ARAP2: variants seen among roughly 807,000 people sequenced by gnomAD.
ARAP2 encodes the protein arf-GAP with Rho-GAP domain, ANK repeat and PH domain-containing protein 2.
In ARAP2, 148 loss-of-function variants were observed where a neutral mutation model predicts 194.5. The ratio of observed to expected loss-of-function variants is 0.76; its 90% CI spans 0.67 to 0.87. ARAP2 has a LOEUF of 0.87. Among genes scored for constraint, ARAP2 ranks in the 40% least tolerant of loss-of-function variants. The pLI, the probability that ARAP2 is intolerant of heterozygous loss-of-function variation, is 0.00. For synonymous variants in ARAP2, 695 were observed against 683.5 expected, an observed-to-expected ratio of 1.02 and a Z score of -0.26; for missense variants, 2,128 against 1,989.7, an observed-to-expected ratio of 1.07 and a Z score of -1.32.
At chr4:36,174,888 A>G (rs1737507670) in intron 9 of ARAP2, among the ~76,000 whole-genome samples, 1 of 152,050 alleles carries the variant, frequency 6.6e-6, no homozygotes, top group South Asian at 2.1e-4. Flanking sequence ...ACTCTTCAAC[A>G]TTTGCTGTAA....
chr4:36,177,814 T>C lies in ARAP2; in HGVS notation c.1857+13A>G, dbSNP rs142436954. 1,784 of 1,583,648 alleles carry C rather than the reference T, an allele frequency of 1.1e-3. 27 individuals are homozygous for C. In the African/African-American group the frequency reaches 0.021, roughly 18 times the overall value. The stretch of plus-strand genomic sequence containing the variant: ...AAATAGCAGCAATTTGCAATGACTA[T>C]AACAGAGCTCACCTGTTCGTTTTTG... On this transcript the variant is annotated intron_variant, in intron 9 of 32. Transcript: ENST00000303965.
intron 1 of ARAP2, among the ~76,000 whole-genome samples, chr4:36,230,245 T>C (rs1427271660): frequency 6.6e-6 from 1 of 152,228 alleles, no homozygotes; most frequent in Non-Finnish European, 1.5e-5. Flanking sequence ...TGTTAAACAA[T>C]ATTCCCACAA....
chr4:36,151,654 A>G (rs2109728742), intron 15 of ARAP2, among the ~76,000 whole-genome samples: 1 of 152,342 alleles, frequency 6.6e-6, no homozygotes, highest in Admixed American at 6.5e-5. Context: ...TGGTTACTTT[A>G]GGGCATTATT....
At chr4:36,009,430 T>A (rs1342805583) in intron 9 of ARAP2, among the ~76,000 whole-genome samples, 1 of 152,078 alleles carries the variant, frequency 6.6e-6, no homozygotes, top group Non-Finnish European at 1.5e-5. Flanking sequence ...AACCAAATCA[T>A]GCTTGTTATT....
intron 12 of ARAP2, 59 bp downstream of exon 12, chr4:36,161,406 T>C (rs1733914441): frequency 7.0e-7 from 1 of 1,420,910 alleles, no homozygotes; most frequent in Non-Finnish European, 9.9e-7. Flanking sequence ...GCAAACCTCC[T>C]CCCAGTCTCT....
Position 36,193,586 on chromosome 4 carries a change from T to C in ARAP2, c.1549A>G (p.Asn517Asp). 1 of 1,589,202 alleles carries C rather than the reference T, an allele frequency of 6.3e-7. No individual in the cohort carries two copies. Residue 517 changes from asparagine (N) to aspartate (D), a missense_variant, in exon 7 of 33, where the codon AAT becomes GAT. Transcript: ENST00000303965. ...CTGTAAAATGTATTTACCTTCTCAT[T>C]ATTGTAGTAAGAAATGCTAAGGCCA... ...FDGLSISYYN[N>D]EKEMYSKGII... is the part of the protein sequence containing the mutation.
At chr4:36,133,730 T>A (rs1725995248) in intron 19 of ARAP2, among the ~76,000 whole-genome samples, 1 of 151,844 alleles carries the variant, frequency 6.6e-6, no homozygotes, top group Non-Finnish European at 1.5e-5. Context: ...GTCGATTTTA[T>A]TTCTTAAAAA....
chr4:36,114,477 A>C (rs1262020414), intron 25 of ARAP2, among the ~76,000 whole-genome samples, 190 bp from the exon 26 acceptor site: 2 of 152,046 alleles, frequency 1.3e-5, no homozygotes, highest in East Asian at 3.9e-4. Flanking sequence ...GTACATAAGT[A>C]CAAAAAGAGA....
intron 8 of ARAP2, among the ~76,000 whole-genome samples, chr4:36,182,230 C>A (rs369669309): frequency 6.6e-6 from 1 of 152,150 alleles, no homozygotes; most frequent in Non-Finnish European, 1.5e-5. Flanking sequence ...TGGTGGCTCA[C>A]GCCTGTAATC....
chr4:36,243,383 C>CAAAAAAAAAAAAAAAAAAA (rs71201008), intron 1 of ARAP2, among the ~76,000 whole-genome samples: 5 of 85,116 alleles, frequency 5.9e-5, no homozygotes, highest in Admixed American at 1.2e-4. Flanking sequence ...GACAAGCTTG[C>CAAAAAAAAAAAAAAAAAAA]AAAAAAAAAA....
chr4:36,073,736 G>A lies in ARAP2; in HGVS notation c.4696C>T (p.Pro1566Ser). 2 of 1,613,232 alleles carry A rather than the reference G, an allele frequency of 1.2e-6. No individual in the cohort carries two copies. The highest frequency in any genetic ancestry group is 1.7e-6 in the Non-Finnish European group (2 of 1,179,392). The change falls in exon 32 of 33, where the codon CCT (proline) becomes TCT (serine). Residue 1566 changes from proline (P) to serine (S), a missense_variant. Physicochemically the swap from Pro to Ser is moderately conservative, Grantham distance 74 (BLOSUM62 -1). Coordinates refer to ENST00000303965, the MANE Select transcript of ARAP2 (RefSeq NM_015230.4). ...NPKIGGLPLI[P>S]IQHEGNATLA... ...GTTGCATTCCCCTCATGCTGTATAG[G>A]AATCAGAGGCAAACCTCCAATTTTG...
intron 5 of ARAP2, among the ~76,000 whole-genome samples, chr4:36,033,185 T>C (rs552984048): frequency 6.6e-6 from 1 of 152,352 alleles, no homozygotes; most frequent in African/African-American, 2.4e-5. Context: ...TTTGGGTATA[T>C]ACCCAGTAAT....
chr4:36,082,262 C>T lies in ARAP2; in HGVS notation c.4533G>A (p.Glu1511=), dbSNP rs776225945. The T allele has an allele frequency of 3.7e-6, 6 of 1,610,962 alleles. No homozygotes were observed. Among genetic ancestry groups the T allele is most frequent in the Admixed American group, 1.7e-5 (1 of 59,762 alleles). ...AGCTGTTAACTTACCAGTGATGTTTCTCAGAATATGCGGTCAATCCCCAGC... is the reference window on the plus strand; with the variant it reads ...AGCTGTTAACTTACCAGTGATGTTTTTCAGAATATGCGGTCAATCCCCAGC... ...PTSWGLTAYS[E]KHHWHLCCDS... The change falls in exon 30 of 33, where the codon GAG becomes GAA. Residue 1511 remains glutamate (E), a synonymous_variant. Coordinates refer to ENST00000303965, the MANE Select transcript of ARAP2 (RefSeq NM_015230.4).
chr4:36,016,316 G>A (rs1371663146), intron 6 of ARAP2, among the ~76,000 whole-genome samples: 1 of 152,120 alleles, frequency 6.6e-6, no homozygotes, highest in Non-Finnish European at 1.5e-5. Flanking sequence ...ATGCACATAA[G>A]CTTCAGGATA....
chr4:36,234,389 C>T (rs1454364449), intron 1 of ARAP2, among the ~76,000 whole-genome samples: 2 of 152,156 alleles, frequency 1.3e-5, no homozygotes, highest in African/African-American at 4.8e-5. Context: ...GAGCTCTGCC[C>T]TCATGACCTA....
chr4:36,043,187 T>C (rs1328194444), intron 5 of ARAP2, among the ~76,000 whole-genome samples: 1 of 152,218 alleles, frequency 6.6e-6, no homozygotes, highest in African/African-American at 2.4e-5. Flanking sequence ...GACACCTATT[T>C]CTTCCTGGCT....
At chr4:36,122,431 G>A (rs1324745720) in intron 22 of ARAP2, among the ~76,000 whole-genome samples, 1 of 151,802 alleles carries the variant, frequency 6.6e-6, no homozygotes. Context: ...ATACTATGCA[G>A]CCATAACAAA....
intron 21 of ARAP2, among the ~76,000 whole-genome samples, chr4:36,127,721 TATC>T (rs1724300125): frequency 1.3e-5 from 2 of 151,910 alleles, no homozygotes; most frequent in Non-Finnish European, 2.9e-5. Context: ...AAATAAAAAT[TATC>T]ATTTGGAAAA....
chr4:36,005,751 C>T (rs576142737), intron 10 of ARAP2: 2 of 152,170 alleles, frequency 1.3e-5, no homozygotes, highest in Admixed American at 1.3e-4. Flanking sequence ...ACACCAAATA[C>T]AGTAAAGTGA....
Sources: allele counts gnomAD v4.1 joint callset (sites outside exome capture counted in the v4.1 genomes callset), GRCh38; gene constraint gnomAD v4.1.1; transcripts MANE v1.5; gene names NCBI Gene and HGNC (gene_info 2026-07-23, HGNC 2026-07-21).